Variants in AUTS2 observed in about 807,000 individuals in gnomAD.
The protein encoded by AUTS2 is activator of transcription and developmental regulator AUTS2, also known as autism susceptibility gene 2 protein.
In AUTS2, 17 loss-of-function variants were observed where a neutral mutation model predicts 112.4. The observed-to-expected ratio is 0.15, with a 90% CI of 0.10 to 0.23. The LOEUF (loss-of-function observed/expected upper bound fraction) is 0.23, where lower values mean the gene tolerates loss of function less well. Ranked by LOEUF, AUTS2 falls within the 10% of genes least tolerant of loss-of-function variation. The probability of loss-of-function intolerance (pLI) is 1.00; values close to 1 mark genes in which losing one functional copy is unlikely to be tolerated. For missense variants in AUTS2, 1,510 were observed against 1,701.6 expected (o/e 0.89, Z 1.98); for synonymous variants, 751 against 702.7 (o/e 1.07, Z -1.09).
intron 2 of AUTS2, among the ~76,000 whole-genome samples, chr7:70,044,979 G>A (rs977049167): frequency 1.1e-4 from 17 of 151,130 alleles, no homozygotes; most frequent in Admixed American, 1.1e-3. Flanking sequence ...CTTATGTTTG[G>A]CCCTACAGAG....
chr7:69,740,523 C>CTTT (rs11433491), intron 1 of AUTS2, among the ~76,000 whole-genome samples: 2 of 150,192 alleles, frequency 1.3e-5, no homozygotes, highest in Non-Finnish European at 1.5e-5. Context: ...TCAGAAATGT[C>CTTT]TTTTTTTTTT....
intron 4 of AUTS2, among the ~76,000 whole-genome samples, chr7:70,259,989 G>A (rs146992418): frequency 4.6e-5 from 7 of 152,238 alleles, no homozygotes; most frequent in African/African-American, 1.2e-4. Flanking sequence ...ATTTTCTTAC[G>A]AAGTTTTAAA....
At chr7:70,294,773 C>T (rs2129612464) in intron 4 of AUTS2, among the ~76,000 whole-genome samples, 1 of 152,306 alleles carries the variant, frequency 6.6e-6, no homozygotes, top group East Asian at 1.9e-4. Context: ...TGGTCTGTGA[C>T]AACCAGTGTT....
chr7:69,750,334 C>A (rs1025934106), intron 1 of AUTS2, among the ~76,000 whole-genome samples: 2 of 150,452 alleles, frequency 1.3e-5, no homozygotes, highest in Admixed American at 1.3e-4. Flanking sequence ...CCAAGTATTT[C>A]CACAAATACT....
At chr7:69,632,596 TTCTCCCC>T (rs1273979432) in intron 1 of AUTS2, among the ~76,000 whole-genome samples, 1 of 125,826 alleles carries the variant, frequency 7.9e-6, no homozygotes, top group African/African-American at 2.9e-5. Flanking sequence ...CCCCTCTGCC[TTCTCCCC>T]TCTCCCCTCT....
intron 4 of AUTS2, among the ~76,000 whole-genome samples, chr7:70,314,441 T>C (rs1455103251): frequency 5.3e-5 from 8 of 152,224 alleles, no homozygotes; most frequent in Non-Finnish European, 1.2e-4. Flanking sequence ...CATTCTTGCA[T>C]GTGCTTTTCT....
chr7:69,982,700 A>G (rs2129550384), intron 2 of AUTS2, among the ~76,000 whole-genome samples: 1 of 152,342 alleles, frequency 6.6e-6, no homozygotes, highest in African/African-American at 2.4e-5. Context: ...ACATGTGATA[A>G]AACAGCGGCC....
intron 4 of AUTS2, among the ~76,000 whole-genome samples, chr7:70,290,031 C>CA (rs1324577546): frequency 6.6e-6 from 1 of 152,010 alleles, no homozygotes; most frequent in Non-Finnish European, 1.5e-5. Flanking sequence ...CACCATATAA[C>CA]AAAAAAGCTA....
chr7:70,590,632 C>T lies in AUTS2; in HGVS notation c.691-107937C>T, dbSNP rs562366310. 7.9e-5 allele frequency among the ~76,000 whole-genome samples: 12 copies of T among 152,274 alleles called. No homozygotes were observed. The East Asian group carries it at 1.5e-3, about 20-fold the overall frequency. On this transcript the variant is annotated intron_variant, in intron 5 of 18. Transcript: ENST00000342771. ...ATATTTTATGACCGAAAAGAAACTTCTGTTAAATCGTAAATACACTAAAAG... is the reference window on the plus strand; with the variant it reads ...ATATTTTATGACCGAAAAGAAACTTTTGTTAAATCGTAAATACACTAAAAG...
intron 4 of AUTS2, among the ~76,000 whole-genome samples, chr7:70,189,326 A>G (rs1196774487): frequency 6.6e-6 from 1 of 152,210 alleles, no homozygotes. Context: ...TTTACTGTGG[A>G]TAAGCCCAAC....
chr7:70,224,184 G>A (rs1390193849), intron 4 of AUTS2, among the ~76,000 whole-genome samples: 1 of 152,052 alleles, frequency 6.6e-6, no homozygotes, highest in Non-Finnish European at 1.5e-5. Context: ...GCATGATGGT[G>A]TGTGCCTGTA....
chr7:70,514,977 C>G (rs912773725), intron 5 of AUTS2, among the ~76,000 whole-genome samples: 2 of 152,008 alleles, frequency 1.3e-5, no homozygotes, highest in Admixed American at 6.6e-5. Flanking sequence ...AGTTGTTTAT[C>G]TTTTTTGTAT....
At chr7:70,256,297 T>A (rs1786865671) in intron 4 of AUTS2, among the ~76,000 whole-genome samples, 1 of 152,224 alleles carries the variant, frequency 6.6e-6, no homozygotes. Context: ...GTTAATAAAC[T>A]AGGGCTTCTT....
chr7:69,730,900 T>G (rs1345959382), intron 1 of AUTS2, among the ~76,000 whole-genome samples: 1 of 152,170 alleles, frequency 6.6e-6, no homozygotes, highest in Non-Finnish European at 1.5e-5. Context: ...AAATACACTG[T>G]TTCAAAGTCA....
chr7:70,706,810 C>T (rs558852680), intron 6 of AUTS2, among the ~76,000 whole-genome samples: 26 of 152,178 alleles, frequency 1.7e-4, no homozygotes, highest in Non-Finnish European at 2.9e-4. Context: ...AATTGTTGGA[C>T]TGGCCAGATG....
chr7:69,762,548 A>G (rs1011984326), intron 1 of AUTS2, among the ~76,000 whole-genome samples: 4 of 151,890 alleles, frequency 2.6e-5, no homozygotes, highest in African/African-American at 7.3e-5. Context: ...AGCTCAAGCC[A>G]TCTGCCCGCT....
intron 1 of AUTS2, among the ~76,000 whole-genome samples, chr7:69,859,742 C>G (rs1273280189): frequency 2.6e-5 from 4 of 152,182 alleles, no homozygotes; most frequent in African/African-American, 9.7e-5. Context: ...CAGATAGATG[C>G]TCTAGTTGCT....
At chr7:70,604,625 T>C (rs1300359088) in intron 5 of AUTS2, among the ~76,000 whole-genome samples, 2 of 152,202 alleles carry the variant, frequency 1.3e-5, no homozygotes, top group Non-Finnish European at 2.9e-5. Context: ...CGTCAGAGCT[T>C]GAAGGGAATT....
chr7:70,478,629 C>G (rs1426833280), intron 5 of AUTS2, among the ~76,000 whole-genome samples: 1 of 152,160 alleles, frequency 6.6e-6, no homozygotes, highest in Non-Finnish European at 1.5e-5. Flanking sequence ...CGTCATCCAC[C>G]TCTTTCGTTC....
Sources: gnomAD v4.1 joint callset for allele counts (sites outside exome capture counted in the v4.1 genomes callset) on GRCh38, gnomAD v4.1.1 for gene constraint, MANE v1.5 for transcripts, NCBI Gene and HGNC (gene_info 2026-07-23, HGNC 2026-07-21) for gene names.